GULP1: variants seen among roughly 807,000 people sequenced by gnomAD.
GULP1 encodes PTB domain-containing engulfment adapter protein 1.
In GULP1, 19 loss-of-function variants were observed where a neutral mutation model predicts 40.9. That is an observed-to-expected ratio of 0.46 (90% CI 0.32 to 0.68). GULP1 has a LOEUF of 0.68. GULP1 is among the 30% of genes least tolerant of loss of function. The pLI is 0.03. For synonymous variants in GULP1, 119 were observed against 117.6 expected (o/e 1.01, Z -0.08); for missense variants, 312 against 362.2 (o/e 0.86, Z 1.12).
intron 2 of GULP1, among the ~76,000 whole-genome samples, chr2:188,436,437 C>T (rs1232979737): frequency 1.3e-5 from 2 of 152,020 alleles, no homozygotes; most frequent in African/African-American, 2.4e-5. Context: ...CTCAGTCTCT[C>T]ATCATTTTGA....
rs889502648 is a variant in GULP1, at chr2:188,396,841, G to A, written c.-45+12952G>A. Among the ~76,000 whole-genome samples the A allele has an allele frequency of 4.6e-5, 7 of 152,190 alleles. No homozygotes were observed. In the South Asian group the frequency reaches 1.4e-3, roughly 32 times the overall value. On this transcript the variant is annotated intron_variant, in intron 2 of 11. Transcript: ENST00000409830. ...TTCCTGTGAAGTAGGATGAGGAATG[G>A]TTTCCCTCCATCCGTGCTGGAGACT...
intron 7 of GULP1, among the ~76,000 whole-genome samples, chr2:188,548,576 A>T (rs1024033725): frequency 1.5e-4 from 23 of 152,084 alleles, no homozygotes; most frequent in Non-Finnish European, 1.8e-4. Context: ...AGACAAGATT[A>T]TTCTAAACTT....
At chr2:188,424,139 T>C (rs1023326279) in intron 2 of GULP1, among the ~76,000 whole-genome samples, 4 of 151,932 alleles carry the variant, frequency 2.6e-5, no homozygotes, top group Non-Finnish European at 5.9e-5. Flanking sequence ...TACCAAAGGT[T>C]GTTATTTGGA....
intron 1 of GULP1, among the ~76,000 whole-genome samples, chr2:188,383,311 G>C (rs2049246667): frequency 6.6e-6 from 1 of 152,194 alleles, no homozygotes; most frequent in African/African-American, 2.4e-5. Flanking sequence ...TAAATGCCTT[G>C]CCGTAAGAGT....
At chr2:188,402,350 G>A (rs1044566844) in intron 2 of GULP1, among the ~76,000 whole-genome samples, 1 of 152,042 alleles carries the variant, frequency 6.6e-6, no homozygotes, top group Non-Finnish European at 1.5e-5. Flanking sequence ...GACCTGGGAT[G>A]AAGCATAAAA....
chr2:188,535,404 C>A (rs1688674434), intron 6 of GULP1, among the ~76,000 whole-genome samples: 1 of 151,972 alleles, frequency 6.6e-6, no homozygotes, highest in South Asian at 2.1e-4. Flanking sequence ...CCACGAGTAC[C>A]CAATGTTTTT....
chr2:188,560,167 T>C (rs531516550), intron 7 of GULP1, among the ~76,000 whole-genome samples: 4 of 152,228 alleles, frequency 2.6e-5, no homozygotes, highest in Non-Finnish European at 5.9e-5. Context: ...ATTTCTTTGC[T>C]TATGCATATG....
chr2:188,307,867 C>T (rs964903984), intron 1 of GULP1, among the ~76,000 whole-genome samples: 2 of 152,080 alleles, frequency 1.3e-5, no homozygotes, highest in Non-Finnish European at 2.9e-5. Context: ...ATTTGTAGTA[C>T]TATTAAAGAT....
chr2:188,488,322 TA>T (rs1386017937), intron 4 of GULP1, among the ~76,000 whole-genome samples: 2 of 152,048 alleles, frequency 1.3e-5, no homozygotes, highest in East Asian at 3.9e-4. Flanking sequence ...TCTCAACTGT[TA>T]TCAGAATTAT....
Position 188,463,727 on chromosome 2 carries a change from C to T in GULP1, c.-44-13932C>T, listed in dbSNP as rs184790175. 1.1e-3 allele frequency among the ~76,000 whole-genome samples: 168 copies of T among 151,726 alleles called. 1 individual carries two copies. Among genetic ancestry groups the T allele is most frequent in the African/African-American group, 3.9e-3 (163 of 41,390 alleles). Reference sequence around the variant, plus strand: ...GTTTTTCTCCTCTGACTGTGTGCTTCCAAATAGCCTGTCTTCAAGCCCACT... The same window carrying T: ...GTTTTTCTCCTCTGACTGTGTGCTTTCAAATAGCCTGTCTTCAAGCCCACT... On this transcript the variant is annotated intron_variant, in intron 2 of 11. Coordinates refer to ENST00000409830, the MANE Select transcript of GULP1 (RefSeq NM_016315.4).
chr2:188,543,720 G>A (rs1691159476), intron 7 of GULP1, among the ~76,000 whole-genome samples: 1 of 152,076 alleles, frequency 6.6e-6, no homozygotes, highest in East Asian at 1.9e-4. Flanking sequence ...TAAGTAGTCA[G>A]TAGAATCAGG....
At chr2:188,498,148 T>A (rs560848294) in intron 4 of GULP1, among the ~76,000 whole-genome samples, 1 of 152,064 alleles carries the variant, frequency 6.6e-6, no homozygotes, top group Admixed American at 6.6e-5. Context: ...GCCATTATAA[T>A]CAGAGGTAAC....
intron 4 of GULP1, among the ~76,000 whole-genome samples, chr2:188,522,452 C>A (rs1292243328): frequency 6.6e-6 from 1 of 151,902 alleles, no homozygotes. Context: ...CTGTTGAGAT[C>A]AACATTATTC....
At chr2:188,508,369 T>C (rs2064143685) in intron 4 of GULP1, among the ~76,000 whole-genome samples, 1 of 152,046 alleles carries the variant, frequency 6.6e-6, no homozygotes, top group Non-Finnish European at 1.5e-5. Flanking sequence ...ATTGGCCTAA[T>C]TGTAACAAAA....
chr2:188,325,141 T>C (rs916651987), intron 1 of GULP1, among the ~76,000 whole-genome samples: 3 of 152,050 alleles, frequency 2.0e-5, no homozygotes, highest in Admixed American at 6.6e-5. Flanking sequence ...TTTATTGATA[T>C]ATAGTTTCCA....
intron 10 of GULP1, 107 bp from the exon 11 acceptor site, chr2:188,587,748 T>G: frequency 1.5e-6 from 1 of 668,904 alleles, no homozygotes; most frequent in Non-Finnish European, 2.7e-6. Flanking sequence ...GGTTAGTGGC[T>G]TATTTGATCA....
intron 1 of GULP1, among the ~76,000 whole-genome samples, chr2:188,304,533 G>A (rs961866452): frequency 1.3e-5 from 2 of 152,186 alleles, no homozygotes; most frequent in Non-Finnish European, 2.9e-5. Flanking sequence ...GGGAAGTAAT[G>A]CGTCTCAACC....
intron 1 of GULP1, among the ~76,000 whole-genome samples, chr2:188,336,081 A>G (rs565770313): frequency 6.6e-6 from 1 of 152,298 alleles, no homozygotes; most frequent in African/African-American, 2.4e-5. Context: ...ATTATATTTA[A>G]TTCTCTGAAA....
chr2:188,324,966 G>A (rs1332520585), intron 1 of GULP1, among the ~76,000 whole-genome samples: 1 of 151,828 alleles, frequency 6.6e-6, no homozygotes, highest in Non-Finnish European at 1.5e-5. Context: ...ACCTGGAATT[G>A]TATACACAAG....
Sources: allele counts gnomAD v4.1 joint callset (sites outside exome capture counted in the v4.1 genomes callset), GRCh38; gene constraint gnomAD v4.1.1; transcripts MANE v1.5; gene names NCBI Gene and HGNC (gene_info 2026-07-23, HGNC 2026-07-21).